SNUPN: variants seen among roughly 807,000 people sequenced by gnomAD.
The protein encoded by SNUPN is snurportin 1, also known as snurportin-1.
A neutral mutation model predicts 39.2 loss-of-function variants in SNUPN; 31 were observed. That is an observed-to-expected ratio of 0.79 (90% CI 0.59 to 1.07). The LOEUF is 1.07. Among genes scored for constraint, SNUPN ranks in the 50% least tolerant of loss-of-function variants. SNUPN has a pLI of 0.00. For synonymous variants in SNUPN, 132 were observed against 159.0 expected (o/e 0.83, Z 1.28); for missense variants, 382 against 434.2 (o/e 0.88, Z 1.07).
intron 3 of SNUPN, 141 bp from the exon 4 acceptor site, chr15:75,610,135 T>G (rs1892740548): frequency 7.5e-6 from 5 of 670,434 alleles, no homozygotes; most frequent in Non-Finnish European, 1.3e-5. Flanking sequence ...CGGGGGCTCA[T>G]GCTTGTAATC....
chr15:75,621,554 G>C (rs567312831), intron 1 of SNUPN, among the ~76,000 whole-genome samples: 1 of 152,056 alleles, frequency 6.6e-6, no homozygotes. Context: ...GAGCCACTGC[G>C]CCCGGCCTTT....
In SNUPN at chr15:75,598,316, G is replaced by A; in HGVS notation, c.*42C>T. On this transcript the variant is annotated 3_prime_UTR_variant, in exon 9 of 9. Coordinates refer to ENST00000308588, the MANE Select transcript of SNUPN (RefSeq NM_005701.4). ...TCCTCCTCTCCAGGATTCCTTTTGG[G>A]GCCAGGTACCATCCTGTGGCTCCTT... 1 of 1,520,374 alleles carries A rather than the reference G, an allele frequency of 6.6e-7. No individual in the cohort carries two copies. The highest frequency in any genetic ancestry group is 1.2e-5 in the South Asian group (1 of 81,824). 94.2% of individuals were successfully genotyped at this position (1,520,374 alleles called of 1,614,324 possible). A position where few individuals can be genotyped will look rare whatever the true frequency, so the allele number is the denominator to read the frequency against.
rs141302808 is a variant in SNUPN, at chr15:75,615,594, A to ATTTT, written c.303+1810_303+1813dup. ...TTCCTCCTTGGTTGGAAGGAATCTC[A>ATTTT]TTTTTTTTTTTTTTTTTTTTTTTTT... On this transcript the variant is annotated intron_variant, in intron 3 of 8. Transcript: ENST00000308588. Among the ~76,000 whole-genome samples, 242 of 73,986 alleles carry ATTTT rather than the reference A, an allele frequency of 3.3e-3. 8 individuals are homozygous for ATTTT. Among genetic ancestry groups the ATTTT allele is most frequent in the African/African-American group, 7.1e-3 (137 of 19,408 alleles). 48.5% of individuals were successfully genotyped at this position (73,986 alleles called of 152,430 possible). A position where few individuals can be genotyped will look rare whatever the true frequency, so the allele number is the denominator to read the frequency against.
chr15:75,617,257 G>T, intron 3 of SNUPN, 151 bp downstream of exon 3: 1 of 772,282 alleles, frequency 1.3e-6, no homozygotes, highest in Non-Finnish European at 2.1e-6. Flanking sequence ...CATCCCATAT[G>T]ATCTACGTAC....
intron 3 of SNUPN, among the ~76,000 whole-genome samples, chr15:75,616,850 T>G (rs1329481540): frequency 6.6e-6 from 1 of 152,238 alleles, no homozygotes; most frequent in African/African-American, 2.4e-5. Flanking sequence ...TGCTGCTTCA[T>G]GGCCTGAACC....
rs1489559573 is a variant in SNUPN, at chr15:75,609,925, G to A, written c.373C>T (p.Pro125Ser). Residue 125 changes from proline to serine, a missense_variant, in exon 4 of 9, where the codon CCT becomes TCT. Physicochemically the swap from Pro to Ser is moderately conservative, Grantham distance 74. Coordinates refer to ENST00000308588, the MANE Select transcript of SNUPN (RefSeq NM_005701.4). ...LGQEWIVVVC[P>S]VGKRALIVAS... ...ACGATAAGGGCTCTTTTTCCAACAG[G>A]GCACACGACCACAATCCATTCCTGC... 1.2e-6 allele frequency: 2 copies of A among 1,613,916 alleles called. No individual in the cohort carries two copies. Among genetic ancestry groups the A allele is most frequent in the Non-Finnish European group, 1.7e-6 (2 of 1,180,014 alleles).
chr15:75,606,312 C>T (rs1324521445), intron 6 of SNUPN, among the ~76,000 whole-genome samples: 1 of 151,760 alleles, frequency 6.6e-6, no homozygotes, highest in African/African-American at 2.4e-5. Context: ...GTTTTGGAAA[C>T]CTAGTATGCG....
chr15:75,617,656 A>G lies in SNUPN; in HGVS notation c.159-104T>C. The stretch of plus-strand genomic sequence containing the variant: ...GGCTGGAATGGTGCAATCTCAGCTC[A>G]CTGCAGCCTCAACCTCCTGGGCTCA... On this transcript the variant is annotated intron_variant, in intron 2 of 8. Transcript: ENST00000308588. The G allele has an allele frequency of 2.3e-6, 3 of 1,298,122 alleles. No homozygotes were observed. The South Asian group carries it at 4.6e-5, about 20-fold the overall frequency. The allele number at this position is 1,298,122 out of a possible 1,614,324, so 80.4% of individuals were successfully genotyped here. A position where few individuals can be genotyped will look rare whatever the true frequency, so the allele number is the denominator to read the frequency against.
At chr15:75,611,140 C>T (rs1656720488) in intron 3 of SNUPN, among the ~76,000 whole-genome samples, 1 of 151,374 alleles carries the variant, frequency 6.6e-6, no homozygotes, top group African/African-American at 2.4e-5. Context: ...TGCACTCCAG[C>T]CTGGTGACAG....
At chr15:75,616,423 A>C (rs899010036) in intron 3 of SNUPN, among the ~76,000 whole-genome samples, 1 of 151,410 alleles carries the variant, frequency 6.6e-6, no homozygotes, top group Non-Finnish European at 1.5e-5. Flanking sequence ...GTACCACTGC[A>C]CTCCAGCCTG....
At position 75,607,270 on chromosome 15, in the gene SNUPN, G is replaced by C; in HGVS notation, c.546C>G (p.Thr182=). ...AGCACATCACATCCAGAACGTAGTAGGTCTGGTTTACCTCATTGTAAATGC... is the reference window on the plus strand; with the variant it reads ...AGCACATCACATCCAGAACGTAGTACGTCTGGTTTACCTCATTGTAAATGC... ...LDCIYNEVNQ[T]YYVLDVMCWR... is the part of the protein sequence containing the mutation. The change falls in exon 6 of 9, where the codon ACC becomes ACG. Residue 182 remains threonine, a synonymous_variant. Coordinates refer to ENST00000308588, the MANE Select transcript of SNUPN (RefSeq NM_005701.4). The C allele has an allele frequency of 6.2e-7, 1 of 1,613,778 alleles. No homozygotes were observed. Among genetic ancestry groups the C allele is most frequent in the Non-Finnish European group, 8.5e-7 (1 of 1,179,712 alleles).
chr15:75,598,830 G>A lies in SNUPN; in HGVS notation c.760-149C>T, dbSNP rs140483610. 2,781 of 565,750 alleles carry A rather than the reference G, an allele frequency of 4.9e-3. 78 individuals are homozygous for A. The Admixed American group carries it at 0.055, about 11-fold the overall frequency. The allele number at this position is 565,750 out of a possible 1,614,324, so 35.0% of individuals were successfully genotyped here. Reference sequence around the variant, plus strand: ...AGAGTCCCAGCTTCTCACACATGCCGTTTCTCTAAATAAAGAAATGGCCTA... The same window carrying A: ...AGAGTCCCAGCTTCTCACACATGCCATTTCTCTAAATAAAGAAATGGCCTA... On this transcript the variant is annotated intron_variant, in intron 8 of 8. Coordinates refer to ENST00000308588, the MANE Select transcript of SNUPN (RefSeq NM_005701.4).
In SNUPN at chr15:75,605,172, C is replaced by T; in HGVS notation, c.656G>A (p.Gly219Glu). 1.2e-6 allele frequency: 2 copies of T among 1,613,376 alleles called. No individual in the cohort carries two copies. Among genetic ancestry groups the T allele is most frequent in the Non-Finnish European group, 1.7e-6 (2 of 1,179,444 alleles). ...HSKLPEEEGLGEKTKLNPFKF... is the reference protein window; with the variant it reads ...HSKLPEEEGLEEKTKLNPFKF... ...TACAGGATTAAGCTTGGTTTTCTCT[C>T]CCAGTCCTTCTTCTTCTGGTAACTT... The change falls in exon 7 of 9, where the codon GGA becomes GAA. Residue 219 changes from glycine (G) to glutamate (E), a missense_variant. By Grantham distance (98) the Gly-to-Glu change is moderately conservative. Transcript: ENST00000308588.
chr15:75,599,552 C>T (rs893046729), intron 8 of SNUPN, among the ~76,000 whole-genome samples: 1 of 152,194 alleles, frequency 6.6e-6, no homozygotes, highest in African/African-American at 2.4e-5. Flanking sequence ...CTAAACCTCC[C>T]CCTAAATTGT....
At chr15:75,612,816 G>T (rs2141371477) in intron 3 of SNUPN, among the ~76,000 whole-genome samples, 1 of 152,010 alleles carries the variant, frequency 6.6e-6, no homozygotes, top group South Asian at 2.1e-4. Flanking sequence ...CTGAATCTTA[G>T]AGTTTAAGCA....
chr15:75,614,371 CAAAT>C (rs1892875040), intron 3 of SNUPN, among the ~76,000 whole-genome samples: 1 of 152,036 alleles, frequency 6.6e-6, no homozygotes. Context: ...AGGAGCAACT[CAAAT>C]AGCCATAAAC....
Position 75,598,598 on chromosome 15 carries a change from C to T in SNUPN, c.843G>A (p.Met281Ile), listed in dbSNP as rs745898552. 6.2e-7 allele frequency: 1 copy of T among 1,614,148 alleles called. No homozygotes were observed. Among genetic ancestry groups the T allele is most frequent in the South Asian group, 1.1e-5 (1 of 91,082 alleles). The change falls in exon 9 of 9, where the codon ATG becomes ATA. Residue 281 changes from methionine (M) to isoleucine (I), a missense_variant. Coordinates refer to ENST00000308588, the MANE Select transcript of SNUPN (RefSeq NM_005701.4). The stretch of plus-strand genomic sequence containing the variant: ...CAGCTACACCAAGGACATCTGACAC[C>T]ATGTAGGGGCGCAGCCAGCCCACCA... Reference protein sequence around the residue: ...TPLVGWLRPYMVSDVLGVAVP... With the variant: ...TPLVGWLRPYIVSDVLGVAVP...
In SNUPN at chr15:75,610,897, A is replaced by T. The variant is rs141829516; in HGVS notation, c.304-903T>A. On this transcript the variant is annotated intron_variant, in intron 3 of 8. Coordinates refer to ENST00000308588, the MANE Select transcript of SNUPN (RefSeq NM_005701.4). ...AAGACTTTGTCCCATGGGCTGGGCG[A>T]GGTGGCTCACGCCTGTAGTCCCAGC... is the stretch of plus-strand genomic sequence containing the variant. Among the ~76,000 whole-genome samples, 264 of 152,172 alleles carry T rather than the reference A, an allele frequency of 1.7e-3. 2 individuals carry two copies. The East Asian group carries it at 0.026, about 15-fold the overall frequency.
chr15:75,604,949 A>T (rs2075319953), intron 7 of SNUPN, among the ~76,000 whole-genome samples: 1 of 152,162 alleles, frequency 6.6e-6, no homozygotes, highest in South Asian at 2.1e-4. Context: ...TTAGCTCCCA[A>T]TTATGAGTGA....
Sources: gnomAD v4.1 joint callset for allele counts (sites outside exome capture counted in the v4.1 genomes callset) on GRCh38, gnomAD v4.1.1 for gene constraint, MANE v1.5 for transcripts, NCBI Gene and HGNC (gene_info 2026-07-23, HGNC 2026-07-21) for gene names.